GRM8: variants seen among roughly 807,000 people sequenced by gnomAD.
GRM8 encodes the protein glutamate metabotropic receptor 8.
GRM8 carries 47 observed loss-of-function variants against 87.2 expected under a neutral mutation model. The ratio of observed to expected loss-of-function variants is 0.54; its 90% CI spans 0.43 to 0.69. GRM8 has a LOEUF of 0.69. Among genes scored for constraint, GRM8 ranks in the 30% least tolerant of loss-of-function variants. The pLI is 0.00. For synonymous variants in GRM8, 396 were observed against 404.5 expected (o/e 0.98, Z 0.25); for missense variants, 1,019 against 1,139.2 (o/e 0.89, Z 1.52).
At chr7:126,627,682 T>C (rs1363096518) in intron 7 of GRM8, among the ~76,000 whole-genome samples, 1 of 152,180 alleles carries the variant, frequency 6.6e-6, no homozygotes, top group Non-Finnish European at 1.5e-5. Context: ...TTTAGGCCTT[T>C]TATGTGCACT....
intron 8 of GRM8, among the ~76,000 whole-genome samples, chr7:126,561,942 T>C (rs905474334): frequency 3.3e-5 from 5 of 152,006 alleles, no homozygotes; most frequent in Non-Finnish European, 7.4e-5. Context: ...GAGACATGGA[T>C]GAAACTGGAA....
chr7:126,784,852 CTT>C (rs1301193197), intron 6 of GRM8, among the ~76,000 whole-genome samples: 4 of 152,136 alleles, frequency 2.6e-5, no homozygotes, highest in Admixed American at 6.6e-5. Flanking sequence ...TGATCTAACT[CTT>C]TTTATTACAG....
intron 2 of GRM8, among the ~76,000 whole-genome samples, chr7:127,241,946 T>C (rs1309432243): frequency 6.6e-6 from 1 of 152,230 alleles, no homozygotes; most frequent in Non-Finnish European, 1.5e-5. Flanking sequence ...TACTGCACTT[T>C]ATACTTTTCA....
intron 3 of GRM8, among the ~76,000 whole-genome samples, chr7:127,053,564 C>A (rs1014965978): frequency 6.6e-6 from 1 of 151,968 alleles, no homozygotes; most frequent in African/African-American, 2.4e-5. Context: ...CCGTGGCAGG[C>A]GGATCACAAG....
intron 3 of GRM8, among the ~76,000 whole-genome samples, chr7:127,048,132 AG>A (rs1409000024): frequency 6.6e-6 from 1 of 152,248 alleles, no homozygotes; most frequent in Non-Finnish European, 1.5e-5. Flanking sequence ...TGATGAAAAA[AG>A]GAACACACAG....
intron 9 of GRM8, among the ~76,000 whole-genome samples, chr7:126,472,358 C>A (rs1301234174): frequency 6.6e-6 from 1 of 152,040 alleles, no homozygotes; most frequent in Non-Finnish European, 1.5e-5. Flanking sequence ...TGAAATACCT[C>A]CCATCAATAC....
intron 3 of GRM8, among the ~76,000 whole-genome samples, chr7:127,028,173 G>A (rs1210395544): frequency 6.6e-6 from 1 of 152,196 alleles, no homozygotes; most frequent in East Asian, 1.9e-4. Flanking sequence ...TTGCATCCCA[G>A]GGATGAAGCC....
At chr7:126,917,373 CCACA>C (rs71312846) in intron 3 of GRM8, among the ~76,000 whole-genome samples, 66 of 148,102 alleles carry the variant, frequency 4.5e-4, no homozygotes, top group African/African-American at 1.5e-3. Context: ...CCTCCTCCAA[CCACA>C]CACACACACA....
chr7:126,625,314 C>T (rs899597176), intron 7 of GRM8, among the ~76,000 whole-genome samples: 1 of 151,906 alleles, frequency 6.6e-6, no homozygotes, highest in African/African-American at 2.4e-5. Context: ...GATAAGTATC[C>T]ATGTTTATTT....
Position 127,074,465 on chromosome 7 carries a change from T to C in GRM8, c.727+32031A>G, listed in dbSNP as rs374206071. Among the ~76,000 whole-genome samples the C allele has an allele frequency of 9.2e-5, 14 of 152,276 alleles. No homozygotes were observed. In the East Asian group the frequency reaches 2.5e-3, roughly 27 times the overall value. ...CTGCTCCTCCTCTGGGGACAGAGCT[T>C]CTGAGATGTCCCCACTTGCCCTGTT... On this transcript the variant is annotated intron_variant, in intron 3 of 10. Coordinates refer to ENST00000339582, the MANE Select transcript of GRM8 (RefSeq NM_000845.3).
At chr7:126,644,626 C>T (rs1031478290) in intron 7 of GRM8, among the ~76,000 whole-genome samples, 6 of 152,192 alleles carry the variant, frequency 3.9e-5, no homozygotes, top group Non-Finnish European at 5.9e-5. Flanking sequence ...ACTGTATATA[C>T]AGTGCAAGTA....
chr7:126,859,063 G>A (rs1010349359), intron 6 of GRM8, among the ~76,000 whole-genome samples: 1 of 151,822 alleles, frequency 6.6e-6, no homozygotes, highest in African/African-American at 2.4e-5. Context: ...AGGCAGCAGG[G>A]TTGGTTTCCA....
intron 6 of GRM8, among the ~76,000 whole-genome samples, chr7:126,828,389 A>T (rs969560670): frequency 6.6e-6 from 1 of 151,808 alleles, no homozygotes; most frequent in African/African-American, 2.4e-5. Flanking sequence ...ACAATTTCAG[A>T]TCCTGTTATT....
Position 126,769,898 on chromosome 7 carries a change from G to A in GRM8, c.1324C>T (p.Leu442=). The change falls in exon 7 of 11, where the codon CTA becomes TTA. Residue 442 remains leucine (L), a synonymous_variant. Coordinates refer to ENST00000339582, the MANE Select transcript of GRM8 (RefSeq NM_000845.3). Reference sequence around the variant, plus strand: ...TTTACAGCCCGAATATAACCAAGTAGCTCTTTCCCATCAATGGTACTCATT... The same window carrying A: ...TTTACAGCCCGAATATAACCAAGTAACTCTTTCCCATCAATGGTACTCATT... ...PRMSTIDGKE[L]LGYIRAVNFN... 4 of 1,611,966 alleles carry A rather than the reference G, an allele frequency of 2.5e-6. No homozygotes were observed. The highest frequency in any genetic ancestry group is 1.1e-5 in the South Asian group (1 of 91,024).
At chr7:126,565,792 A>G (rs1212812623) in intron 8 of GRM8, among the ~76,000 whole-genome samples, 7 of 152,152 alleles carry the variant, frequency 4.6e-5, no homozygotes, top group Non-Finnish European at 1.0e-4. Context: ...AATATATTAC[A>G]AAGCTACAAA....
chr7:126,591,195 G>A (rs2151042593), intron 8 of GRM8, among the ~76,000 whole-genome samples: 1 of 152,160 alleles, frequency 6.6e-6, no homozygotes, highest in South Asian at 2.1e-4. Flanking sequence ...GACATTCCAT[G>A]TAAATGGAAA....
chr7:126,580,779 T>C (rs991984107), intron 8 of GRM8, among the ~76,000 whole-genome samples: 1 of 152,130 alleles, frequency 6.6e-6, no homozygotes, highest in Non-Finnish European at 1.5e-5. Context: ...TCAACTTAGA[T>C]GGAAAATTCA....
intron 3 of GRM8, among the ~76,000 whole-genome samples, chr7:126,963,471 G>T (rs1809521474): frequency 6.6e-6 from 1 of 152,104 alleles, no homozygotes; most frequent in South Asian, 2.1e-4. Context: ...AGCAGCTTCA[G>T]CAGTCTCAGG....
intron 3 of GRM8, among the ~76,000 whole-genome samples, chr7:127,081,656 A>C (rs1822880058): frequency 6.6e-6 from 1 of 152,180 alleles, no homozygotes. Flanking sequence ...AGGGAGAGCA[A>C]ATGAATATGA....
Sources: allele counts gnomAD v4.1 joint callset (sites outside exome capture counted in the v4.1 genomes callset), GRCh38; gene constraint gnomAD v4.1.1; transcripts MANE v1.5; gene names NCBI Gene and HGNC (gene_info 2026-07-23, HGNC 2026-07-21).